The following SORCS2 variants were observed in gnomAD, a reference collection of about 807,000 sequenced individuals.
SORCS2 encodes the protein sortilin related VPS10 domain containing receptor 2, also known as VPS10 domain-containing receptor SorCS2.
A neutral mutation model predicts 141.6 loss-of-function variants in SORCS2; 100 were observed. The observed-to-expected ratio is 0.71, with a 90% CI of 0.60 to 0.83. The LOEUF (loss-of-function observed/expected upper bound fraction) is 0.83. SORCS2 is among the 40% of genes least tolerant of loss of function. The pLI is 0.00. For synonymous variants in SORCS2, 789 were observed against 676.9 expected, an observed-to-expected ratio of 1.17 and a Z score of -2.57; for missense variants, 1,646 against 1,560.2, an observed-to-expected ratio of 1.05 and a Z score of -0.93.
At chr4:7,584,531 T>C (rs1231172914) in intron 3 of SORCS2, among the ~76,000 whole-genome samples, 2 of 152,230 alleles carry the variant, frequency 1.3e-5, no homozygotes, top group African/African-American at 4.8e-5. Context: ...GCAAGGAACT[T>C]ACCCAAGGTC....
chr4:7,214,381 C>G (rs907397327), intron 1 of SORCS2, among the ~76,000 whole-genome samples: 1 of 152,164 alleles, frequency 6.6e-6, no homozygotes, highest in South Asian at 2.1e-4. Flanking sequence ...CTCACCCTAG[C>G]CTTTCTGCCT....
chr4:7,387,566 C>T (rs56651715), intron 1 of SORCS2, among the ~76,000 whole-genome samples: 72,355 of 142,000 alleles, frequency 0.51, 20,768 homozygotes, highest in Middle Eastern at 0.63. Context: ...TATGTACACA[C>T]GCACACATGC....
chr4:7,711,114 C>T (rs1218300759), intron 14 of SORCS2, among the ~76,000 whole-genome samples: 2 of 152,208 alleles, frequency 1.3e-5, no homozygotes, highest in African/African-American at 4.8e-5. Context: ...AGGGAGGCCC[C>T]ATGCTCAGCT....
At chr4:7,601,857 G>T (rs937519278) in intron 3 of SORCS2, among the ~76,000 whole-genome samples, 5 of 152,116 alleles carry the variant, frequency 3.3e-5, no homozygotes, top group Non-Finnish European at 5.9e-5. Context: ...GTGAGATTAG[G>T]GAGCGGTGAT....
At chr4:7,408,284 G>A (rs545658324) in intron 2 of SORCS2, among the ~76,000 whole-genome samples, 25 of 152,162 alleles carry the variant, frequency 1.6e-4, no homozygotes, top group Admixed American at 1.3e-3. Context: ...AGACAGATGC[G>A]GGGGTGGTGA....
chr4:7,455,093 C>G (rs1489578294), intron 2 of SORCS2, among the ~76,000 whole-genome samples: 4 of 82,078 alleles, frequency 4.9e-5, no homozygotes, highest in Admixed American at 2.5e-4. Flanking sequence ...TGGGGTCAGG[C>G]ACTGTGTTGG....
At chr4:7,294,528 TCCTCCTCCATGCC>T (rs1716821434) in intron 1 of SORCS2, among the ~76,000 whole-genome samples, 1 of 148,756 alleles carries the variant, frequency 6.7e-6, no homozygotes, top group Non-Finnish European at 1.5e-5. Flanking sequence ...CCCAGGGAGC[TCCTCCTCCATGCC>T]CCAGGGGTGC....
At chr4:7,597,591 G>A (rs1354828101) in intron 3 of SORCS2, among the ~76,000 whole-genome samples, 6 of 151,294 alleles carry the variant, frequency 4.0e-5, no homozygotes, top group Non-Finnish European at 1.5e-5. Context: ...TTGCAATAAG[G>A]GAGGGGCTTT....
At chr4:7,638,251 C>G (rs1411783820) in intron 3 of SORCS2, 77 bp from the exon 4 acceptor site, 2 of 1,463,682 alleles carry the variant, frequency 1.4e-6, no homozygotes, top group African/African-American at 1.5e-5. Flanking sequence ...GCACCTGGCC[C>G]AGGCCTCACA....
chr4:7,464,934 G>A (rs553201936), intron 2 of SORCS2, among the ~76,000 whole-genome samples: 217 of 152,356 alleles, frequency 1.4e-3, no homozygotes, highest in African/African-American at 5.0e-3. Flanking sequence ...GCACAGCCCG[G>A]CCTCCACGGC....
chr4:7,733,170 A>G (rs1200138190), intron 23 of SORCS2, among the ~76,000 whole-genome samples, 152 bp from the exon 24 acceptor site: 1 of 16,232 alleles, frequency 6.2e-5, no homozygotes, highest in Non-Finnish European at 1.5e-4. Context: ...CCCACCCCCC[A>G]TGGAGGACCC....
rs549918125 is a variant in SORCS2, at chr4:7,322,449, T to C, written c.481-73839T>C. ...GCCTCATGCACTGGGGCCTAAGGTG[T>C]ACCGCGTCCCGCTGCACGGGAAGGC... On this transcript the variant is annotated intron_variant, in intron 1 of 26. Transcript: ENST00000507866. Among the ~76,000 whole-genome samples the C allele has an allele frequency of 3.3e-5, 5 of 152,328 alleles. No individual in the cohort carries two copies. The South Asian group carries it at 6.2e-4, about 19-fold the overall frequency.
intron 1 of SORCS2, among the ~76,000 whole-genome samples, chr4:7,237,724 CA>C (rs1027356630): frequency 2.0e-5 from 3 of 151,984 alleles, no homozygotes; most frequent in African/African-American, 7.3e-5. Context: ...TAATAATACC[CA>C]GTGGGGAGGG....
Position 7,661,517 on chromosome 4 carries a change from A to C in SORCS2, c.905A>C (p.Asp302Ala). The change falls in exon 6 of 27, where the codon GAC becomes GCC. Residue 302 changes from aspartate (D) to alanine (A), a missense_variant. Physicochemically the swap from Asp to Ala is moderately radical, Grantham distance 126. Coordinates refer to ENST00000507866, the MANE Select transcript of SORCS2 (RefSeq NM_020777.3). Reference sequence around the variant, plus strand: ...TTTTCCAGGTCTGTGTCTGGGGTGGACGCTGACCCTGACTTGGTCCACGTG... The same window carrying C: ...TTTTCCAGGTCTGTGTCTGGGGTGGCCGCTGACCCTGACTTGGTCCACGTG... ...DHVFWSVSGV[D>A]ADPDLVHVEA... The C allele has an allele frequency of 6.4e-7, 1 of 1,551,650 alleles. No individual in the cohort carries two copies.
At chr4:7,701,510 G>C (rs1725080456) in intron 12 of SORCS2, among the ~76,000 whole-genome samples, 1 of 152,326 alleles carries the variant, frequency 6.6e-6, no homozygotes, top group South Asian at 2.1e-4. Flanking sequence ...AAGGAAGCAA[G>C]GTCAAGGTGG....
chr4:7,242,894 G>A (rs955695400), intron 1 of SORCS2, among the ~76,000 whole-genome samples: 1 of 152,180 alleles, frequency 6.6e-6, no homozygotes, highest in Non-Finnish European at 1.5e-5. Flanking sequence ...CGTCACAATC[G>A]CTTGGCCCAG....
chr4:7,419,629 CTG>C (rs1272866558), intron 2 of SORCS2, among the ~76,000 whole-genome samples: 8 of 152,230 alleles, frequency 5.3e-5, no homozygotes, highest in Non-Finnish European at 1.0e-4. Flanking sequence ...CACTTTTCCT[CTG>C]TAAACACTGG....
At chr4:7,348,972 C>T (rs142272836) in intron 1 of SORCS2, among the ~76,000 whole-genome samples, 19 of 152,326 alleles carry the variant, frequency 1.2e-4, no homozygotes, top group Middle Eastern at 3.4e-3. Flanking sequence ...CATTCTCCTT[C>T]GTTATAGACA....
At chr4:7,638,895 G>C (rs1426444697) in intron 4 of SORCS2, among the ~76,000 whole-genome samples, 1 of 152,330 alleles carries the variant, frequency 6.6e-6, no homozygotes, top group East Asian at 1.9e-4. Flanking sequence ...CCTCAGTGTG[G>C]AATGTTCTTC....
Sources: gnomAD v4.1 joint callset for allele counts (sites outside exome capture counted in the v4.1 genomes callset) on GRCh38, gnomAD v4.1.1 for gene constraint, MANE v1.5 for transcripts, NCBI Gene and HGNC (gene_info 2026-07-23, HGNC 2026-07-21) for gene names.